Variants in LMBRD2 observed in about 807,000 individuals in gnomAD.
The protein encoded by LMBRD2 is G protein-coupled receptor-associated protein LMBRD2.
In LMBRD2, 55 loss-of-function variants were observed where a neutral mutation model predicts 94.4. The ratio of observed to expected loss-of-function variants is 0.58; its 90% CI spans 0.47 to 0.73. The LOEUF (loss-of-function observed/expected upper bound fraction) is 0.73. Among genes scored for constraint, LMBRD2 ranks in the 30% least tolerant of loss-of-function variants. LMBRD2 has a pLI of 0.00. For synonymous variants in LMBRD2, 246 were observed against 272.4 expected, an observed-to-expected ratio of 0.90 and a Z score of 0.95; for missense variants, 640 against 831.9, an observed-to-expected ratio of 0.77 and a Z score of 2.84.
rs367566055 is a variant in LMBRD2 at position 36,115,117 on chromosome 5, T to C, written c.1440A>G (p.Leu480=). Reference sequence around the variant, plus strand: ...ATAAAGGAGGTGTCAAACGGCAAAATAGCCTGCAACAAACATTTAAAAATA... The same window carrying C: ...ATAAAGGAGGTGTCAAACGGCAAAACAGCCTGCAACAAACATTTAAAAATA... ...DAYSLLFSGM[L]FCRLTPPLCL... The change falls in exon 12 of 18, where the codon CTA becomes CTG. Residue 480 remains leucine, a synonymous_variant. Coordinates refer to ENST00000296603, the MANE Select transcript of LMBRD2 (RefSeq NM_001007527.2). 6.9e-6 allele frequency: 11 copies of C among 1,595,632 alleles called. No individual in the cohort carries two copies. Among genetic ancestry groups the C allele is most frequent in the East Asian group, 2.2e-5 (1 of 44,572 alleles).
intron 3 of LMBRD2, 120 bp from the exon 4 acceptor site, chr5:36,141,322 T>A: frequency 5.8e-6 from 3 of 515,662 alleles, no homozygotes; most frequent in Non-Finnish European, 1.0e-5. Context: ...ACTCTAATAA[T>A]CAATAACCCA....
At chr5:36,140,054 C>G (rs1168967233) in intron 4 of LMBRD2, among the ~76,000 whole-genome samples, 2 of 150,054 alleles carry the variant, frequency 1.3e-5, no homozygotes, top group Non-Finnish European at 2.9e-5. Flanking sequence ...GATCTAGGGG[C>G]TCCCCAAGCT....
chr5:36,121,669 A>C (rs1743889362), intron 9 of LMBRD2, among the ~76,000 whole-genome samples: 1 of 152,176 alleles, frequency 6.6e-6, no homozygotes, highest in African/African-American at 2.4e-5. Flanking sequence ...TAAAATTCTA[A>C]CTATTTTAAG....
At chr5:36,116,617 A>C in intron 10 of LMBRD2, 24 bp from the exon 11 acceptor site, 1 of 1,605,748 alleles carries the variant, frequency 6.2e-7, no homozygotes, top group East Asian at 2.2e-5. Flanking sequence ...AAAACAAAGC[A>C]GTTTGTTTAA....
chr5:36,119,203 ACCT>A lies in LMBRD2; in HGVS notation c.1121-1290_1121-1288del, dbSNP rs901459650. Among the ~76,000 whole-genome samples the A allele has an allele frequency of 1.3e-3, 201 of 150,804 alleles. 1 individual carries two copies. Among genetic ancestry groups the A allele is most frequent in the African/African-American group, 4.8e-3 (195 of 40,956 alleles). The stretch of plus-strand genomic sequence containing the variant: ...AATACCCTTATCTCTCATTTCTTTG[ACCT>A]CCTCTCCTCTAATGAACTTTCCCTC... On this transcript the variant is annotated intron_variant, in intron 9 of 17. Coordinates refer to ENST00000296603, the MANE Select transcript of LMBRD2 (RefSeq NM_001007527.2).
chr5:36,112,652 C>T (rs1743639842), intron 13 of LMBRD2, among the ~76,000 whole-genome samples: 1 of 152,000 alleles, frequency 6.6e-6, no homozygotes, highest in Admixed American at 6.6e-5. Flanking sequence ...TCTAGAAAGA[C>T]ACTTTTAATG....
In LMBRD2 at chr5:36,122,401, T is replaced by C. The variant is rs1371406132; in HGVS notation, c.999A>G (p.Gln333=). ...TQVQWQILLE[Q]AFYLEDVAKN... is the part of the protein sequence containing the mutation. The stretch of plus-strand genomic sequence containing the variant: ...TTGCTACATCTTCTAGATAAAATGC[T>C]TGTTCCAAAAGAATCTGCCATTGTA... The change falls in exon 9 of 18, where the codon CAA becomes CAG. Residue 333 remains glutamine, a synonymous_variant. Coordinates refer to ENST00000296603, the MANE Select transcript of LMBRD2 (RefSeq NM_001007527.2). 20 of 1,613,532 alleles carry C rather than the reference T, an allele frequency of 1.2e-5. No homozygotes were observed. Among genetic ancestry groups the C allele is most frequent in the Non-Finnish European group, 1.6e-5 (19 of 1,179,772 alleles).
intron 4 of LMBRD2, among the ~76,000 whole-genome samples, chr5:36,140,016 G>A (rs1744365714): frequency 6.6e-6 from 1 of 152,242 alleles, no homozygotes. Context: ...GACGAGAAGA[G>A]AAGAGCTGTG....
intron 2 of LMBRD2, 79 bp from the exon 3 acceptor site, chr5:36,142,678 C>A: frequency 1.3e-6 from 1 of 782,522 alleles, no homozygotes; most frequent in South Asian, 1.5e-5. Context: ...GTTTATAAAT[C>A]TATCTATCTA....
At chr5:36,115,177 A>G (rs1743711213) in intron 11 of LMBRD2, 57 bp from the exon 12 acceptor site, 1 of 1,013,448 alleles carries the variant, frequency 9.9e-7, no homozygotes, top group African/African-American at 1.6e-5. Flanking sequence ...AATACATTTT[A>G]TAGTATACTG....
chr5:36,111,117 G>A, intron 14 of LMBRD2, 38 bp downstream of exon 14: 2 of 1,210,306 alleles, frequency 1.7e-6, no homozygotes, highest in Non-Finnish European at 2.4e-6. Context: ...TTAGCACTTA[G>A]TATTTTCCCT....
chr5:36,113,477 A>AAT (rs1743664903), intron 13 of LMBRD2, among the ~76,000 whole-genome samples: 1 of 152,076 alleles, frequency 6.6e-6, no homozygotes, highest in African/African-American at 2.4e-5. Flanking sequence ...TCTGCGGCTC[A>AAT]TCCTGCTACA....
chr5:36,132,750 G>A (rs2111892976), intron 6 of LMBRD2, among the ~76,000 whole-genome samples: 1 of 150,220 alleles, frequency 6.7e-6, no homozygotes, highest in East Asian at 1.9e-4. Context: ...TCACTTATTT[G>A]GCTAATTCCT....
chr5:36,107,977 C>T (rs920005400), intron 16 of LMBRD2, among the ~76,000 whole-genome samples: 1 of 152,156 alleles, frequency 6.6e-6, no homozygotes, highest in African/African-American at 2.4e-5. Flanking sequence ...TTTCTTGGCA[C>T]CTCCTAAATA....
intron 4 of LMBRD2, among the ~76,000 whole-genome samples, chr5:36,140,530 T>C (rs1258545299): frequency 6.6e-6 from 1 of 152,176 alleles, no homozygotes; most frequent in Admixed American, 6.5e-5. Context: ...GCATGACTCT[T>C]CCATCTTTGG....
intron 11 of LMBRD2, among the ~76,000 whole-genome samples, chr5:36,115,853 G>T (rs540214038): frequency 1.0e-3 from 155 of 152,214 alleles, no homozygotes; most frequent in African/African-American, 3.7e-3. Flanking sequence ...AGGTTACATA[G>T]GACTTTTTGT....
Position 36,136,339 on chromosome 5 carries a change from A to ATCTGC in LMBRD2, c.712_716dup (p.Asp239GlufsTer18). The stretch of plus-strand genomic sequence containing the variant: ...TGGCATCTTCCAAATTCTCTTCTGC[A>ATCTGC]TCTGCTTTCTCTGTCATCAGTTTGG... On this transcript the variant is annotated frameshift_variant, in exon 6 of 18. Transcript: ENST00000296603. LOFTEE classifies it high-confidence loss of function. The ATCTGC allele has an allele frequency of 6.2e-7, 1 of 1,614,072 alleles. No individual in the cohort carries two copies. Among genetic ancestry groups the ATCTGC allele is most frequent in the Non-Finnish European group, 8.5e-7 (1 of 1,179,908 alleles).
chr5:36,108,895 A>G (rs1274384733), intron 15 of LMBRD2, among the ~76,000 whole-genome samples: 1 of 152,168 alleles, frequency 6.6e-6, no homozygotes, highest in Non-Finnish European at 1.5e-5. Context: ...TCATCTATCT[A>G]AATTGTAAAA....
In LMBRD2 at chr5:36,151,189, GCC is replaced by G. The variant is rs1744698663; in HGVS notation, c.-58+365_-58+366del. On this transcript the variant is annotated intron_variant, in intron 1 of 17. Transcript: ENST00000296603. The surrounding 1 kb of genome is among the most constrained non-coding windows in gnomAD (Gnocchi z 4.7). Reference sequence around the variant, plus strand: ...TTAGGCGGCGACGCAAACACACGTAGCCAGCTGAGCGACAGCAAGCAACCAAA... The same window carrying G: ...TTAGGCGGCGACGCAAACACACGTAGAGCTGAGCGACAGCAAGCAACCAAA... Among the ~76,000 whole-genome samples, 1 of 152,216 alleles carries G rather than the reference GCC, an allele frequency of 6.6e-6. No individual in the cohort carries two copies. The highest frequency in any genetic ancestry group is 2.4e-5 in the African/African-American group (1 of 41,446).
Sources: allele counts gnomAD v4.1 joint callset (sites outside exome capture counted in the v4.1 genomes callset), GRCh38; gene constraint gnomAD v4.1.1; non-coding constraint Gnocchi (gnomAD v3.1); transcripts MANE v1.5; gene names NCBI Gene and HGNC (gene_info 2026-07-23, HGNC 2026-07-21).